Variants in RPH3AL observed in about 807,000 individuals in gnomAD.
RPH3AL encodes the protein rab effector Noc2.
A neutral mutation model predicts 43.1 loss-of-function variants in RPH3AL; 38 were observed. The ratio of observed to expected loss-of-function variants is 0.88; its 90% confidence interval spans 0.68 to 1.15. The LOEUF (loss-of-function observed/expected upper bound fraction) is 1.15, where lower values mean the gene tolerates loss of function less well. RPH3AL is among the 50% of genes most tolerant of loss of function. RPH3AL has a pLI of 0.00. For synonymous variants in RPH3AL, 189 were observed against 176.3 expected (o/e 1.07, Z -0.57); for missense variants, 462 against 423.2 (o/e 1.09, Z -0.81).
chr17:250,964 G>A (rs1475389161), intron 6 of RPH3AL, among the ~76,000 whole-genome samples: 2 of 152,232 alleles, frequency 1.3e-5, no homozygotes, highest in African/African-American at 4.8e-5. Context: ...ATCCCAGAGG[G>A]CAAAAGAACA....
intron 6 of RPH3AL, among the ~76,000 whole-genome samples, chr17:248,725 G>A (rs1407835367): frequency 2.6e-5 from 4 of 152,328 alleles, no homozygotes; most frequent in East Asian, 3.9e-4. Flanking sequence ...CTGAATCAAT[G>A]GCAGCTTCCA....
intron 7 of RPH3AL, among the ~76,000 whole-genome samples, chr17:243,345 A>T (rs1304402372): frequency 8.5e-6 from 1 of 117,324 alleles, no homozygotes; most frequent in Non-Finnish European, 1.7e-5. Flanking sequence ...CCCCTCCTCT[A>T]CTGATTACCC....
intron 7 of RPH3AL, among the ~76,000 whole-genome samples, chr17:220,586 C>A (rs71372157): frequency 5.7e-4 from 31 of 54,802 alleles, no homozygotes; most frequent in African/African-American, 1.2e-3. Context: ...TAGACCCAAG[C>A]ACAACAGCTC....
At chr17:348,580 T>C (rs1158054416) in intron 1 of RPH3AL, among the ~76,000 whole-genome samples, 2 of 145,480 alleles carry the variant, frequency 1.4e-5, no homozygotes, top group African/African-American at 5.1e-5. Flanking sequence ...ATGAAAAAAA[T>C]TTTAATTTTC....
intron 6 of RPH3AL, among the ~76,000 whole-genome samples, chr17:271,195 G>C (rs1482758775): frequency 2.6e-5 from 4 of 152,202 alleles, no homozygotes; most frequent in Non-Finnish European, 5.9e-5. Flanking sequence ...AGTATAGTCT[G>C]AAATCAGGTA....
At position 321,645 on chromosome 17, in the gene RPH3AL, G is replaced by A. The variant is rs551009612; in HGVS notation, c.78-230C>T. 1.4e-4 allele frequency: 69 copies of A among 476,720 alleles called. No individual in the cohort carries two copies. The East Asian group carries it at 2.3e-3, about 16-fold the overall frequency. The allele number at this position is 476,720 out of a possible 1,614,324, so 29.5% of individuals were successfully genotyped here. A position where few individuals can be genotyped will look rare whatever the true frequency, so the allele number is the denominator to read the frequency against. ...GAGACGGCCCAGGTTCCGTGTGCCG[G>A]GGTTGGGATTGCGGGCAACAGAGAC... On this transcript the variant is annotated intron_variant, in intron 3 of 9. Coordinates refer to ENST00000331302, the MANE Select transcript of RPH3AL (RefSeq NM_006987.4).
chr17:235,275 AGGCTCTACACTAACAAGACGGG>A (rs2041342700), intron 7 of RPH3AL, among the ~76,000 whole-genome samples: 3 of 135,480 alleles, frequency 2.2e-5, no homozygotes, highest in Non-Finnish European at 4.7e-5. Flanking sequence ...GGGTCGGCCG[AGGCTCTACACTAACAAGACGGG>A]TCCCGGGTTC....
intron 5 of RPH3AL, among the ~76,000 whole-genome samples, chr17:284,486 G>A (rs138300551): frequency 2.0e-5 from 3 of 152,124 alleles, no homozygotes; most frequent in East Asian, 1.9e-4. Context: ...GCCAGGGGCC[G>A]ACCCTGGGAC....
At chr17:305,953 A>C (rs1167734130) in intron 5 of RPH3AL, among the ~76,000 whole-genome samples, 3 of 149,252 alleles carry the variant, frequency 2.0e-5, no homozygotes, top group African/African-American at 7.4e-5. Flanking sequence ...CAAGCCTTCC[A>C]GGCTCAAGCA....
intron 5 of RPH3AL, among the ~76,000 whole-genome samples, chr17:311,491 C>G (rs958526227): frequency 6.6e-6 from 1 of 152,160 alleles, no homozygotes; most frequent in Non-Finnish European, 1.5e-5. Flanking sequence ...TGCTCTGAGT[C>G]CTGGGAACCC....
In RPH3AL at chr17:245,887, T is replaced by C. The variant is rs2041752797; in HGVS notation, c.613+1224A>G. 6.6e-6 allele frequency among the ~76,000 whole-genome samples: 1 copy of C among 152,096 alleles called. No individual in the cohort carries two copies. The highest frequency in any genetic ancestry group is 2.4e-5 in the African/African-American group (1 of 41,422). ...CACGGTCCCCACCAATGTCTGTCCG[T>C]GGCAGCGATGTCGGGGGTGAACTCA... On this transcript the variant is annotated intron_variant, in intron 7 of 9. Coordinates refer to ENST00000331302, the MANE Select transcript of RPH3AL (RefSeq NM_006987.4). This position sits in a 1 kb window ranked among gnomAD's most constrained non-coding sequence, Gnocchi z 5.9.
intron 3 of RPH3AL, among the ~76,000 whole-genome samples, chr17:324,694 G>GCCATCTATCTATCTAT (rs2044570471): frequency 8.8e-6 from 1 of 113,764 alleles, no homozygotes; most frequent in Non-Finnish European, 1.9e-5. Context: ...TATCTATCTA[G>GCCATCTATCTATCTAT]CTAGCTAGCT....
At chr17:342,598 C>CA (rs1215255689) in intron 1 of RPH3AL, among the ~76,000 whole-genome samples, 1 of 152,070 alleles carries the variant, frequency 6.6e-6, no homozygotes, top group South Asian at 2.1e-4. Flanking sequence ...AAGCCAGTCA[C>CA]AAAAAACCAC....
chr17:303,108 G>A (rs972751890), intron 5 of RPH3AL, among the ~76,000 whole-genome samples: 10 of 152,214 alleles, frequency 6.6e-5, no homozygotes, highest in Non-Finnish European at 1.5e-5. Context: ...AACTAACAAC[G>A]TAACTGTATC....
intron 5 of RPH3AL, among the ~76,000 whole-genome samples, chr17:318,233 T>C (rs1175554768): frequency 6.6e-6 from 1 of 151,906 alleles, no homozygotes; most frequent in Admixed American, 6.6e-5. Context: ...AATTCAAAAA[T>C]TAGCCGGTAG....
intron 5 of RPH3AL, among the ~76,000 whole-genome samples, chr17:284,697 C>G (rs935087195): frequency 6.6e-6 from 1 of 152,190 alleles, no homozygotes; most frequent in African/African-American, 2.4e-5. Flanking sequence ...GGCCGCCTTC[C>G]CCTATGCACA....
chr17:310,235 C>T (rs2043609138), intron 5 of RPH3AL, among the ~76,000 whole-genome samples: 1 of 152,188 alleles, frequency 6.6e-6, no homozygotes, highest in Non-Finnish European at 1.5e-5. Context: ...CCTCTCCCTT[C>T]CCACCAAGGC....
chr17:321,128 C>T (rs1328197850), intron 4 of RPH3AL, 144 bp downstream of exon 4: 5 of 1,034,942 alleles, frequency 4.8e-6, no homozygotes, highest in Non-Finnish European at 7.0e-6. Flanking sequence ...CACCCTTCAG[C>T]AAGGGCTGGA....
At chr17:240,235 C>G (rs2041496267) in intron 7 of RPH3AL, among the ~76,000 whole-genome samples, 1 of 65,124 alleles carries the variant, frequency 1.5e-5, no homozygotes, top group South Asian at 7.2e-4. Flanking sequence ...GAAACTCCAT[C>G]TCAAAAAAAA....
Sources: gnomAD v4.1 joint callset for allele counts (sites outside exome capture counted in the v4.1 genomes callset) on GRCh38, gnomAD v4.1.1 for gene constraint, Gnocchi (gnomAD v3.1) non-coding constraint, MANE v1.5 for transcripts, NCBI Gene and HGNC (gene_info 2026-07-23, HGNC 2026-07-21) for gene names.